VEPH1: variants seen among roughly 807,000 people sequenced by gnomAD.
The protein encoded by VEPH1 is ventricular zone expressed PH domain containing 1, also known as ventricular zone-expressed PH domain-containing protein homolog 1.
In VEPH1, 80 loss-of-function variants were observed where a neutral mutation model predicts 85.2. The ratio of observed to expected loss-of-function variants is 0.94; its 90% CI spans 0.78 to 1.13. VEPH1 has a LOEUF of 1.13. Ranked by LOEUF, VEPH1 falls within the 50% of genes most tolerant of loss-of-function variation. The pLI is 0.00. For missense variants in VEPH1, 955 were observed against 980.5 expected, an observed-to-expected ratio of 0.97 and a Z score of 0.35; for synonymous variants, 297 against 348.0, an observed-to-expected ratio of 0.85 and a Z score of 1.63.
intron 6 of VEPH1, chr3:157,409,898 C>A (rs1023137074): frequency 6.1e-6 from 6 of 985,228 alleles, no homozygotes; most frequent in Non-Finnish European, 7.2e-6. Flanking sequence ...AAGATCAAAC[C>A]ATGGAGTTTG....
intron 13 of VEPH1, among the ~76,000 whole-genome samples, chr3:157,262,145 C>T (rs754555932): frequency 1.3e-5 from 2 of 152,158 alleles, no homozygotes; most frequent in Admixed American, 6.5e-5. Context: ...ATCCTCTTCA[C>T]TCATCCCATA....
intron 4 of VEPH1, chr3:157,443,104 A>G: frequency 8.7e-7 from 1 of 1,154,328 alleles, no homozygotes; most frequent in Non-Finnish European, 1.2e-6. Flanking sequence ...GAGAGTTGAG[A>G]CCAATCTTTA....
intron 6 of VEPH1, among the ~76,000 whole-genome samples, chr3:157,411,211 T>G (rs575749298): frequency 1.3e-5 from 2 of 152,166 alleles, no homozygotes. Flanking sequence ...AGAAGGAGCC[T>G]GGGTCTCTGA....
chr3:157,336,606 G>A (rs1227389516), intron 9 of VEPH1, among the ~76,000 whole-genome samples: 1 of 152,074 alleles, frequency 6.6e-6, no homozygotes, highest in Non-Finnish European at 1.5e-5. Flanking sequence ...CATTTAAGTG[G>A]GGTTTTATTG....
intron 4 of VEPH1, among the ~76,000 whole-genome samples, chr3:157,438,742 A>C (rs1236498465): frequency 8.5e-5 from 13 of 152,228 alleles, no homozygotes; most frequent in Non-Finnish European, 1.6e-4. Context: ...ATGGGTTCCC[A>C]AAATAATACA....
intron 9 of VEPH1, among the ~76,000 whole-genome samples, chr3:157,338,722 G>A (rs1723209643): frequency 6.6e-6 from 1 of 152,134 alleles, no homozygotes; most frequent in African/African-American, 2.4e-5. Flanking sequence ...AATAAGGGCT[G>A]TCACCCTAAC....
intron 6 of VEPH1, among the ~76,000 whole-genome samples, chr3:157,395,682 C>T (rs920569570): frequency 1.1e-4 from 16 of 152,128 alleles, no homozygotes; most frequent in Non-Finnish European, 2.2e-4. Flanking sequence ...TATCTCTTCC[C>T]AAAAATTTCT....
intron 11 of VEPH1, among the ~76,000 whole-genome samples, chr3:157,301,716 A>G (rs9821290): frequency 0.053 from 8,022 of 152,124 alleles, 257 homozygotes; most frequent in South Asian, 0.1. Flanking sequence ...CACTTTCTTG[A>G]TATCTGTGAT....
chr3:157,266,097 A>C (rs1406084778), intron 12 of VEPH1, among the ~76,000 whole-genome samples: 2 of 149,610 alleles, frequency 1.3e-5, no homozygotes, highest in Non-Finnish European at 1.5e-5. Context: ...GTAATAAAAA[A>C]CAAATTTCCA....
At chr3:157,473,631 AG>A (rs1347959315) in intron 2 of VEPH1, among the ~76,000 whole-genome samples, 4 of 152,196 alleles carry the variant, frequency 2.6e-5, no homozygotes, top group Admixed American at 1.3e-4. Flanking sequence ...TTTATGGTCC[AG>A]AAAAACAAAC....
chr3:157,488,920 CTCTCTCTCTCTCTCTCTCTCTCTCTT>C, intron 2 of VEPH1: 1 of 183,142 alleles, frequency 5.5e-6, no homozygotes, highest in African/African-American at 2.6e-5. Context: ...TTCTCTCTCT[CTCTCTCTCTCTCTCTCTCTCTCTCTT>C]TCTCTCTCCC....
chr3:157,315,031 T>A (rs1192241321), intron 10 of VEPH1, among the ~76,000 whole-genome samples: 1 of 152,020 alleles, frequency 6.6e-6, no homozygotes, highest in Non-Finnish European at 1.5e-5. Context: ...TAAAATACCA[T>A]TTACCTACAT....
chr3:157,269,269 G>A (rs1229477714), intron 12 of VEPH1, among the ~76,000 whole-genome samples: 3 of 152,126 alleles, frequency 2.0e-5, no homozygotes, highest in Non-Finnish European at 4.4e-5. Context: ...TAAAGACATG[G>A]GTGAATGGGA....
In VEPH1 at chr3:157,347,688, G is replaced by A. The variant is rs547832011; in HGVS notation, c.1735+15676C>T. On this transcript the variant is annotated intron_variant, in intron 9 of 13. Transcript: ENST00000362010. ...AGCCCCCTCTTCCTTTTATGGATTG[G>A]ATCTGCCTAGAATCAGGTGGGACTT... Among the ~76,000 whole-genome samples, 3 of 152,348 alleles carry A rather than the reference G, an allele frequency of 2.0e-5. No individual in the cohort carries two copies. The South Asian group carries it at 6.2e-4, about 32-fold the overall frequency.
intron 4 of VEPH1, among the ~76,000 whole-genome samples, chr3:157,430,384 T>C (rs572788183): frequency 6.6e-6 from 1 of 152,352 alleles, no homozygotes; most frequent in East Asian, 1.9e-4. Flanking sequence ...AGGAGTTATA[T>C]CTCCAAGAAG....
At chr3:157,460,155 C>A in intron 4 of VEPH1, 26 bp downstream of exon 4, 1 of 1,614,160 alleles carries the variant, frequency 6.2e-7, no homozygotes, top group African/African-American at 1.3e-5. Context: ...CAAAACATGT[C>A]CCCAAGCTCA....
At position 157,336,351 on chromosome 3, in the gene VEPH1, G is replaced by C. The variant is rs142991727; in HGVS notation, c.1736-19150C>G. On this transcript the variant is annotated intron_variant, in intron 9 of 13. Transcript: ENST00000362010. ...AGTGACTGCATCAGATTATAACCTAGCATTACTGAGGAACCATTTGCTGCC... is the reference window on the plus strand; with the variant it reads ...AGTGACTGCATCAGATTATAACCTACCATTACTGAGGAACCATTTGCTGCC... Among the ~76,000 whole-genome samples, 347 of 152,260 alleles carry C rather than the reference G, an allele frequency of 2.3e-3. 1 individual carries two copies. Among genetic ancestry groups the C allele is most frequent in the African/African-American group, 8.0e-3 (332 of 41,544 alleles).
chr3:157,430,314 A>C (rs1733043013), intron 4 of VEPH1, among the ~76,000 whole-genome samples: 1 of 152,212 alleles, frequency 6.6e-6, no homozygotes, highest in Admixed American at 6.5e-5. Context: ...ATTTTATGTG[A>C]ATACCATCAT....
intron 5 of VEPH1, among the ~76,000 whole-genome samples, chr3:157,427,214 G>A (rs1732821647): frequency 6.6e-6 from 1 of 152,096 alleles, no homozygotes; most frequent in Admixed American, 6.5e-5. Context: ...TTGAACTCCT[G>A]ACCTCGTGAT....
Sources: gnomAD v4.1 joint callset for allele counts (sites outside exome capture counted in the v4.1 genomes callset) on GRCh38, gnomAD v4.1.1 for gene constraint, MANE v1.5 for transcripts, NCBI Gene and HGNC (gene_info 2026-07-23, HGNC 2026-07-21) for gene names.